AP3D1: variants seen among roughly 807,000 people sequenced by gnomAD.
The protein encoded by AP3D1 is adaptor related protein complex 3 subunit delta 1, also known as AP-3 complex subunit delta-1.
A neutral mutation model predicts 147.6 loss-of-function variants in AP3D1; 51 were observed. The ratio of observed to expected loss-of-function variants is 0.35; its 90% CI spans 0.28 to 0.44. The LOEUF (loss-of-function observed/expected upper bound fraction) is 0.44. Among genes scored for constraint, AP3D1 ranks in the 20% least tolerant of loss-of-function variants. AP3D1 has a pLI of 1.00. For missense variants in AP3D1, 1,421 were observed against 1,624.2 expected (o/e 0.87, Z 2.15); for synonymous variants, 760 against 663.0 (o/e 1.15, Z -2.25).
chr19:2,127,340 GCTCTC>G, intron 8 of AP3D1, 139 bp from the exon 9 acceptor site: 4 of 831,014 alleles, frequency 4.8e-6, no homozygotes, highest in Non-Finnish European at 7.7e-6. Context: ...CCCGTGCCTT[GCTCTC>G]CAAGGCCTGT....
intron 2 of AP3D1, 77 bp from the exon 3 acceptor site, chr19:2,137,884 T>G: frequency 4.2e-5 from 55 of 1,312,534 alleles, no homozygotes; most frequent in Non-Finnish European, 5.5e-5. Flanking sequence ...CATCAAGCGC[T>G]CCCTCCCAGC....
intron 9 of AP3D1, 57 bp downstream of exon 9, chr19:2,127,095 T>G: frequency 2.5e-6 from 4 of 1,590,380 alleles, no homozygotes; most frequent in Non-Finnish European, 3.4e-6. Context: ...TGTCCCCACC[T>G]GAGACCCCAG....
intron 22 of AP3D1, among the ~76,000 whole-genome samples, 200 bp downstream of exon 22, chr19:2,113,925 G>A (rs565297334): frequency 6.6e-6 from 1 of 152,198 alleles, no homozygotes; most frequent in Admixed American, 6.5e-5. Flanking sequence ...GTCCTCCTCA[G>A]TCTCCCCTGA....
chr19:2,162,799 G>A (rs2144613024), intron 1 of AP3D1, among the ~76,000 whole-genome samples: 1 of 152,196 alleles, frequency 6.6e-6, no homozygotes, highest in Non-Finnish European at 1.5e-5. Context: ...GGAAAGCATC[G>A]GAGGTCAAGT....
intron 1 of AP3D1, among the ~76,000 whole-genome samples, chr19:2,162,033 GT>G (rs1186533323): frequency 1.1e-3 from 149 of 130,686 alleles, no homozygotes; most frequent in South Asian, 2.2e-3. Context: ...AGCCCATTGA[GT>G]TTTTTTTTTT....
At chr19:2,135,474 T>A (rs1025069642) in intron 4 of AP3D1, among the ~76,000 whole-genome samples, 2 of 152,138 alleles carry the variant, frequency 1.3e-5, no homozygotes, top group African/African-American at 4.8e-5. Context: ...AGGCAGAGGT[T>A]GCGGTGAGCC....
At chr19:2,103,431 G>A (rs1310628762) in intron 31 of AP3D1, among the ~76,000 whole-genome samples, 1 of 152,126 alleles carries the variant, frequency 6.6e-6, no homozygotes, top group Non-Finnish European at 1.5e-5. Flanking sequence ...CCTGCCACTG[G>A]GCCCCTGAAG....
At chr19:2,126,703 G>A (rs1269212376) in intron 9 of AP3D1, among the ~76,000 whole-genome samples, 1 of 151,444 alleles carries the variant, frequency 6.6e-6, no homozygotes, top group South Asian at 2.1e-4. Flanking sequence ...TGTGGTAGAT[G>A]CTGCTATTTA....
chr19:2,148,211 T>C (rs80007255), intron 1 of AP3D1, among the ~76,000 whole-genome samples: 2,177 of 151,942 alleles, frequency 0.014, 62 homozygotes, highest in African/African-American at 0.049. Context: ...GAAAAGGACT[T>C]GTGAGAACAA....
At chr19:2,126,746 G>A (rs141508072) in intron 9 of AP3D1, among the ~76,000 whole-genome samples, 60 of 152,216 alleles carry the variant, frequency 3.9e-4, no homozygotes, top group African/African-American at 1.4e-3. Flanking sequence ...TGCTGTCTCA[G>A]GAGTGCTTTA....
At chr19:2,138,876 A>G (rs1056265672) in intron 1 of AP3D1, among the ~76,000 whole-genome samples, 162 bp from the exon 2 acceptor site, 6 of 151,672 alleles carry the variant, frequency 4.0e-5, no homozygotes, top group African/African-American at 1.5e-4. Context: ...CCTGGCCAAC[A>G]TGGTGAAACC....
In AP3D1 at chr19:2,116,649, G is replaced by T. The variant is rs775758787; in HGVS notation, c.1957C>A (p.Pro653Thr). 2 of 1,604,708 alleles carry T rather than the reference G, an allele frequency of 1.2e-6. No homozygotes were observed. Among genetic ancestry groups the T allele is most frequent in the Non-Finnish European group, 1.7e-6 (2 of 1,176,098 alleles). Reference protein sequence around the residue: ...AVFHEEEQRRPKHRPSEADEE... With the variant: ...AVFHEEEQRRTKHRPSEADEE... Reference sequence around the variant, plus strand: ...TCCGCCTCCGACGGCCGGTGCTTGGGACGCCGCTGCTCCTCCTCGTGGAAG... The same window carrying T: ...TCCGCCTCCGACGGCCGGTGCTTGGTACGCCGCTGCTCCTCCTCGTGGAAG... Residue 653 changes from proline to threonine, a missense_variant, in exon 17 of 32, where the codon CCC (proline) becomes ACC (threonine). Transcript: ENST00000643116.
Sources: gnomAD v4.1 joint callset for allele counts (sites outside exome capture counted in the v4.1 genomes callset) on GRCh38, gnomAD v4.1.1 for gene constraint, MANE v1.5 for transcripts, NCBI Gene and HGNC (gene_info 2026-07-23, HGNC 2026-07-21) for gene names.